SVIL: variants seen among roughly 807,000 people sequenced by gnomAD.
The protein encoded by SVIL is supervillin, also known as archvillin.
Under a neutral mutation model 240.4 loss-of-function variants are expected in SVIL, and 101 were observed. The ratio of observed to expected loss-of-function variants is 0.42; its 90% CI spans 0.36 to 0.50. The LOEUF is 0.50. SVIL is among the 20% of genes least tolerant of loss of function. The probability of loss-of-function intolerance (pLI) is 0.01; values close to 1 mark genes in which losing one functional copy is unlikely to be tolerated. For synonymous variants in SVIL, 999 were observed against 1,100.0 expected, an observed-to-expected ratio of 0.91 and a Z score of 1.82; for missense variants, 2,512 against 2,818.7, an observed-to-expected ratio of 0.89 and a Z score of 2.46.
chr10:29,619,157 C>A (rs558894771), intron 1 of SVIL, among the ~76,000 whole-genome samples: 3 of 151,964 alleles, frequency 2.0e-5, no homozygotes, highest in Non-Finnish European at 2.9e-5. Flanking sequence ...AGTCATTATG[C>A]GCAAAAAAAA....
chr10:29,513,280 C>T (rs1949983137), intron 16 of SVIL, among the ~76,000 whole-genome samples: 1 of 152,176 alleles, frequency 6.6e-6, no homozygotes, highest in Non-Finnish European at 1.5e-5. Flanking sequence ...GGCTTAAAAA[C>T]ATAAAGCTGG....
chr10:29,636,571 C>T (rs143964707), upstream of SVIL, among the ~76,000 whole-genome samples: 158 of 152,316 alleles, frequency 1.0e-3, no homozygotes, highest in South Asian at 0.012. Context: ...TATATCCTTT[C>T]TGTCTTTGAT....
chr10:29,723,743 T>G (rs897281307), intron 1 of SVIL, among the ~76,000 whole-genome samples: 1 of 152,196 alleles, frequency 6.6e-6, no homozygotes, highest in Admixed American at 6.5e-5. Context: ...GCAACTTTCC[T>G]TGTTTCTGCA....
At chr10:29,711,960 GC>G (rs1963320324) in intron 1 of SVIL, 2 of 148,688 alleles carry the variant, frequency 1.3e-5, no homozygotes, top group African/African-American at 4.9e-5. Flanking sequence ...GATCAGCATG[GC>G]CCCTGCGCAA....
At chr10:29,684,170 G>A (rs1960880565) in intron 2 of SVIL, among the ~76,000 whole-genome samples, 1 of 152,074 alleles carries the variant, frequency 6.6e-6, no homozygotes, top group South Asian at 2.1e-4. Context: ...CTCCAGTTCA[G>A]GGAGGCTCTT....
chr10:29,711,032 A>G (rs562946025), intron 1 of SVIL, among the ~76,000 whole-genome samples: 51 of 152,362 alleles, frequency 3.3e-4, no homozygotes, highest in African/African-American at 1.2e-3. Flanking sequence ...AAACTAGAGG[A>G]TTTGAGGGAA....
At chr10:29,646,775 A>T (rs1958670633) in intron 3 of SVIL, among the ~76,000 whole-genome samples, 1 of 152,202 alleles carries the variant, frequency 6.6e-6, no homozygotes, top group African/African-American at 2.4e-5. Context: ...TCACAAACCT[A>T]ACATGGGAAC....
In SVIL at chr10:29,481,844, G is replaced by A. The variant is rs142722057; in HGVS notation, c.4956-116C>T. ...TGCTGGAAAAAACCTCAAAGTACGT[G>A]AGTACATATAAAGTAAATGGTTTAT... On this transcript the variant is annotated intron_variant, in intron 27 of 37. Transcript: ENST00000355867. The A allele has an allele frequency of 0.01, 9,351 of 894,792 alleles. 548 individuals are homozygous for A. The African/African-American group carries it at 0.13, about 13-fold the overall frequency. 55.4% of individuals were successfully genotyped at this position (894,792 alleles called of 1,614,324 possible).
At chr10:29,655,521 C>T (rs1444280962) in intron 3 of SVIL, among the ~76,000 whole-genome samples, 1 of 152,174 alleles carries the variant, frequency 6.6e-6, no homozygotes, top group Non-Finnish European at 1.5e-5. Context: ...ATGGTGCCCA[C>T]CCACAGCAAG....
In SVIL at chr10:29,532,528, C is replaced by A. The variant is rs1423735963; in HGVS notation, c.1838+1G>T. The A allele has an allele frequency of 6.2e-7, 1 of 1,603,380 alleles. No homozygotes were observed. Among genetic ancestry groups the A allele is most frequent in the Admixed American group, 1.7e-5 (1 of 59,422 alleles). ...TGGAGGGCGTGTGAAGCATCACCTACAGTTCAGGTCTCCTGCAGGCGTTGG... is the reference window on the plus strand; with the variant it reads ...TGGAGGGCGTGTGAAGCATCACCTAAAGTTCAGGTCTCCTGCAGGCGTTGG... On this transcript the variant is annotated splice_donor_variant, in intron 8 of 37. Transcript: ENST00000355867. LOFTEE classifies it high-confidence loss of function.
chr10:29,556,042 C>T (rs1054119858), intron 3 of SVIL, among the ~76,000 whole-genome samples: 1 of 152,088 alleles, frequency 6.6e-6, no homozygotes, highest in Non-Finnish European at 1.5e-5. Context: ...GGTAATTACC[C>T]CAATGTTTCT....
At chr10:29,553,784 T>C (rs1362195311) in intron 5 of SVIL, among the ~76,000 whole-genome samples, 4 of 152,226 alleles carry the variant, frequency 2.6e-5, no homozygotes, top group Non-Finnish European at 5.9e-5. Flanking sequence ...GAAATAAATA[T>C]GCAACGTATT....
chr10:29,728,828 G>A (rs965804915), intron 1 of SVIL, among the ~76,000 whole-genome samples: 7 of 152,160 alleles, frequency 4.6e-5, no homozygotes, highest in Non-Finnish European at 1.0e-4. Context: ...AGGCTGGGGA[G>A]TGGAGGGAAA....
chr10:29,599,953 A>G (rs1956751310), intron 1 of SVIL, among the ~76,000 whole-genome samples: 1 of 152,050 alleles, frequency 6.6e-6, no homozygotes, highest in South Asian at 2.1e-4. Context: ...TGGTAAATGC[A>G]TCCCACAAAA....
At chr10:29,603,971 G>A (rs1956912203) in intron 1 of SVIL, among the ~76,000 whole-genome samples, 1 of 152,130 alleles carries the variant, frequency 6.6e-6, no homozygotes, top group Non-Finnish European at 1.5e-5. Flanking sequence ...ATTGAATAAA[G>A]TTAAAAAGTG....
At chr10:29,602,371 GC>G (rs765306416) in intron 1 of SVIL, 1 of 500,290 alleles carries the variant, frequency 2.0e-6, no homozygotes, top group African/African-American at 2.0e-5. Context: ...TGCTTAACCT[GC>G]CTTGTCTCAC....
At position 29,491,078 on chromosome 10, in the gene SVIL, T is replaced by A. The variant is rs939205994; in HGVS notation, c.4020-59A>T. On this transcript the variant is annotated intron_variant, in intron 21 of 37. Transcript: ENST00000355867. ...GTGACACCACCACCCCTGGATGACC[T>A]GGGGGTCTTGGACTCCACAAAGTAT... is the stretch of plus-strand genomic sequence containing the variant. The A allele has an allele frequency of 2.6e-6, 4 of 1,526,030 alleles. No homozygotes were observed. The African/African-American group carries it at 5.5e-5, about 21-fold the overall frequency. 94.5% of individuals were successfully genotyped at this position (1,526,030 alleles called of 1,614,324 possible). A position where few individuals can be genotyped will look rare whatever the true frequency, so the allele number is the denominator to read the frequency against.
chr10:29,503,095 A>T (rs904759126), intron 17 of SVIL, among the ~76,000 whole-genome samples: 1 of 152,212 alleles, frequency 6.6e-6, no homozygotes, highest in African/African-American at 2.4e-5. Context: ...AGCACATATT[A>T]AGTAATAGAA....
intron 6 of SVIL, among the ~76,000 whole-genome samples, chr10:29,542,787 C>A (rs765798694): frequency 6.6e-6 from 1 of 152,164 alleles, no homozygotes; most frequent in Non-Finnish European, 1.5e-5. Flanking sequence ...TTTTTGTACC[C>A]GTTAGGTGCT....
Sources: allele counts gnomAD v4.1 joint callset (sites outside exome capture counted in the v4.1 genomes callset), GRCh38; gene constraint gnomAD v4.1.1; transcripts MANE v1.5; gene names NCBI Gene and HGNC (gene_info 2026-07-23, HGNC 2026-07-21).